Variants in NEDD4L observed in about 807,000 individuals in gnomAD.
NEDD4L encodes E3 ubiquitin-protein ligase NEDD4-like.
NEDD4L carries 54 observed loss-of-function variants against 148.9 expected under a neutral mutation model. The observed-to-expected ratio is 0.36, with a 90% CI of 0.29 to 0.45. NEDD4L has a LOEUF of 0.45. Ranked by LOEUF, NEDD4L falls within the 20% of genes least tolerant of loss-of-function variation. The pLI, the probability that NEDD4L is intolerant of heterozygous loss-of-function variation, is 1.00. For synonymous variants in NEDD4L, 433 were observed against 440.7 expected, an observed-to-expected ratio of 0.98 and a Z score of 0.22; for missense variants, 856 against 1,233.8, an observed-to-expected ratio of 0.69 and a Z score of 4.59.
chr18:58,173,758 G>A (rs1207770891), intron 2 of NEDD4L, among the ~76,000 whole-genome samples: 1 of 152,140 alleles, frequency 6.6e-6, no homozygotes, highest in Non-Finnish European at 1.5e-5. Context: ...CTGTAGTACT[G>A]TTCTCACAAA....
At chr18:58,068,162 C>T (rs1202601479) in intron 1 of NEDD4L, among the ~76,000 whole-genome samples, 2 of 150,272 alleles carry the variant, frequency 1.3e-5, no homozygotes, top group Non-Finnish European at 2.9e-5. Flanking sequence ...TGCTATGTTG[C>T]CCAGACTGAT....
At chr18:58,325,785 A>G (rs1391183242) in intron 9 of NEDD4L, among the ~76,000 whole-genome samples, 1 of 152,254 alleles carries the variant, frequency 6.6e-6, no homozygotes, top group Non-Finnish European at 1.5e-5. Flanking sequence ...GGTTTGATTG[A>G]TAGCAAATAA....
chr18:58,263,660 C>CTTTTTTTTT (rs71173041), intron 5 of NEDD4L, among the ~76,000 whole-genome samples: 3 of 103,704 alleles, frequency 2.9e-5, no homozygotes, highest in Admixed American at 1.1e-4. Flanking sequence ...ACTTCTTAGG[C>CTTTTTTTTT]TTTTTTTTTT....
At chr18:58,185,487 T>C (rs2039363267) in intron 2 of NEDD4L, among the ~76,000 whole-genome samples, 2 of 152,196 alleles carry the variant, frequency 1.3e-5, no homozygotes, top group Non-Finnish European at 1.5e-5. Context: ...AGCAGGAACA[T>C]ACTACCAGTT....
intron 18 of NEDD4L, among the ~76,000 whole-genome samples, chr18:58,356,458 GCA>G (rs757829508): frequency 2.6e-5 from 4 of 151,866 alleles, no homozygotes; most frequent in Non-Finnish European, 5.9e-5. Context: ...TTTTAATTAT[GCA>G]CAGTTACAAA....
At chr18:58,160,635 A>G (rs2036085403) in intron 1 of NEDD4L, among the ~76,000 whole-genome samples, 1 of 152,230 alleles carries the variant, frequency 6.6e-6, no homozygotes, top group South Asian at 2.1e-4. Flanking sequence ...TTATGAAAGT[A>G]ATAAAATGCT....
chr18:58,373,210 G>C lies in NEDD4L; in HGVS notation c.2293G>C (p.Glu765Gln). 1 of 1,577,288 alleles carries C rather than the reference G, an allele frequency of 6.3e-7. No individual in the cohort carries two copies. Among genetic ancestry groups the C allele is most frequent in the Non-Finnish European group, 8.6e-7 (1 of 1,158,700 alleles). Residue 765 changes from glutamate (E) to glutamine (Q), a missense_variant, in exon 24 of 31, where the codon GAG becomes CAG. Transcript: ENST00000400345. ...EYYNSLKWIL[E>Q]NDPTELDLMF... The stretch of plus-strand genomic sequence containing the variant: ...TTACAACTCTTTGAAATGGATCCTG[G>C]AGAATGACCCTACTGAGCTGGACCT...
At chr18:58,321,697 A>G (rs1437096153) in intron 6 of NEDD4L, among the ~76,000 whole-genome samples, 1 of 152,260 alleles carries the variant, frequency 6.6e-6, no homozygotes, top group Admixed American at 6.5e-5. Flanking sequence ...TTGCTATAAA[A>G]GTATTTGAAA....
intron 1 of NEDD4L, among the ~76,000 whole-genome samples, chr18:58,127,200 A>C (rs1200735211): frequency 2.6e-5 from 4 of 152,198 alleles, no homozygotes; most frequent in African/African-American, 9.7e-5. Context: ...GTTGAGCTTA[A>C]ATAAAACAAA....
intron 1 of NEDD4L, among the ~76,000 whole-genome samples, chr18:58,064,063 C>T (rs930327140): frequency 2.7e-5 from 4 of 145,916 alleles, no homozygotes; most frequent in African/African-American, 1.0e-4. Flanking sequence ...CTTCCGGGTT[C>T]ATGCCATTCT....
At chr18:58,265,156 G>C (rs2050041757) in intron 5 of NEDD4L, among the ~76,000 whole-genome samples, 1 of 152,058 alleles carries the variant, frequency 6.6e-6, no homozygotes, top group Non-Finnish European at 1.5e-5. Context: ...TTGTCTCAGT[G>C]GGCCAGTGGG....
chr18:58,315,938 A>G (rs775322435), intron 5 of NEDD4L, 44 bp from the exon 6 acceptor site: 2 of 1,499,252 alleles, frequency 1.3e-6, no homozygotes, highest in South Asian at 2.3e-5. Context: ...GCTGACGCTC[A>G]GTGAAGAAAT....
chr18:58,340,188 A>G (rs151114557), intron 13 of NEDD4L, among the ~76,000 whole-genome samples: 1 of 152,168 alleles, frequency 6.6e-6, no homozygotes. Flanking sequence ...CATCTGTCCC[A>G]GTGCCTCCAT....
intron 3 of NEDD4L, 116 bp downstream of exon 3, chr18:58,245,624 T>G: frequency 2.2e-6 from 1 of 453,452 alleles, no homozygotes; most frequent in Non-Finnish European, 4.1e-6. Context: ...ACAGTGATAG[T>G]CCCGTGAGAT....
chr18:58,332,676 T>G (rs958040935), intron 11 of NEDD4L, among the ~76,000 whole-genome samples: 2 of 152,140 alleles, frequency 1.3e-5, no homozygotes, highest in Non-Finnish European at 2.9e-5. Context: ...GTAACCAATG[T>G]GGGAAGATGT....
intron 2 of NEDD4L, among the ~76,000 whole-genome samples, chr18:58,230,913 G>A (rs1209353166): frequency 2.6e-5 from 4 of 152,134 alleles, no homozygotes; most frequent in South Asian, 2.1e-4. Context: ...CCTGAGTGAC[G>A]TGCAGCCGGT....
rs1388708433 is a variant in NEDD4L, at chr18:58,256,146, C to T, written c.297+4092C>T. The T allele has an allele frequency of 1.1e-5, 13 of 1,222,338 alleles. No individual in the cohort carries two copies. The highest frequency in any genetic ancestry group is 3.2e-4 in the Middle Eastern group (1 of 3,152). 75.7% of individuals were successfully genotyped at this position (1,222,338 alleles called of 1,614,324 possible). A position where few individuals can be genotyped will look rare whatever the true frequency, so the allele number is the denominator to read the frequency against. ...GACCCAGGGCTCCAGGTCAACGGCA[C>T]GTGCGGCCGCCGCGTGCGGTGCTCC... On this transcript the variant is annotated intron_variant, in intron 5 of 30. Coordinates refer to ENST00000400345, the MANE Select transcript of NEDD4L (RefSeq NM_001144967.3). This position sits in a 1 kb window ranked among gnomAD's most constrained non-coding sequence, Gnocchi z 5.2.
At chr18:58,126,729 A>G (rs559636) in intron 1 of NEDD4L, among the ~76,000 whole-genome samples, 133,701 of 152,268 alleles carry the variant, frequency 0.88, 58,753 homozygotes, top group East Asian at 0.93. Flanking sequence ...CACCAGCATC[A>G]AGTGGGAGCT....
chr18:58,372,062 A>C (rs1001612735), intron 23 of NEDD4L: 2 of 152,206 alleles, frequency 1.3e-5, no homozygotes, highest in African/African-American at 4.8e-5. Flanking sequence ...TCAAAGCACA[A>C]GAAAGGGGAT....
Sources: gnomAD v4.1 joint callset for allele counts (sites outside exome capture counted in the v4.1 genomes callset) on GRCh38, gnomAD v4.1.1 for gene constraint, Gnocchi (gnomAD v3.1) non-coding constraint, MANE v1.5 for transcripts, NCBI Gene and HGNC (gene_info 2026-07-23, HGNC 2026-07-21) for gene names.